The following MEA1 variants were observed in gnomAD, a reference collection of about 807,000 sequenced individuals.
The protein encoded by MEA1 is male-enhanced antigen 1, also known as Male-enhanced antigen (H-Y structural gene).
In MEA1, 22 loss-of-function variants were observed where a neutral mutation model predicts 21.4. The observed-to-expected ratio is 1.03, with a 90% CI of 0.73 to 1.47. The LOEUF (loss-of-function observed/expected upper bound fraction) is 1.47. Among genes scored for constraint, MEA1 ranks in the 40% most tolerant of loss-of-function variants. MEA1 has a pLI of 0.00. For synonymous variants in MEA1, 91 were observed against 85.5 expected, an observed-to-expected ratio of 1.06 and a Z score of -0.35; for missense variants, 233 against 230.5, an observed-to-expected ratio of 1.01 and a Z score of -0.07.
At position 43,013,362 on chromosome 6, in the gene MEA1, A is replaced by G. The variant is rs1342886597; in HGVS notation, c.56T>C (p.Leu19Pro). The G allele has an allele frequency of 6.2e-7, 1 of 1,613,906 alleles. No homozygotes were observed. Among genetic ancestry groups the G allele is most frequent in the Non-Finnish European group, 8.5e-7 (1 of 1,179,976 alleles). ...CTCAGGGCCCATGGTGTCTCCTCCT[A>G]GAACTACTGTTGCCATCCGGGCAGG... Reference protein sequence around the residue: ...GAPARMATVVLGGDTMGPERI... With the variant: ...GAPARMATVVPGGDTMGPERI... Residue 19 changes from leucine to proline, a missense_variant, in exon 2 of 4, where the codon CTA becomes CCA. Physicochemically the swap from Leu to Pro is moderately conservative, Grantham distance 98. Coordinates refer to ENST00000244711, the MANE Select transcript of MEA1 (RefSeq NM_014623.4).
chr6:43,011,283 C>G lies in MEA1; in HGVS notation c.*1187G>C. ...TCCTAACTGCCAGCCAGGAGGCTCTCTGACCCCTCACGTTCCTACCACAGG... is the reference window on the plus strand; with the variant it reads ...TCCTAACTGCCAGCCAGGAGGCTCTGTGACCCCTCACGTTCCTACCACAGG... On this transcript the variant is annotated 3_prime_UTR_variant, in exon 4 of 4. Transcript: ENST00000244711. 6.2e-7 allele frequency: 1 copy of G among 1,613,896 alleles called. No homozygotes were observed.
intron 1 of MEA1, 115 bp downstream of exon 1, chr6:43,013,671 C>G: frequency 8.6e-7 from 1 of 1,157,388 alleles, no homozygotes; most frequent in Non-Finnish European, 1.3e-6. Flanking sequence ...TCCAGAACCC[C>G]GGCTCCCCGC....
chr6:43,014,076 G>A (rs1762490022), upstream of MEA1: 1 of 1,417,664 alleles, frequency 7.1e-7, no homozygotes. Context: ...TGGCCTCCTC[G>A]GTCTCGACAC....
chr6:43,012,549 C>T lies in MEA1; in HGVS notation c.479G>A (p.Arg160Gln), dbSNP rs748130085. Residue 160 changes from arginine to glutamine, a missense_variant, in exon 4 of 4, where the codon CGG becomes CAG. Physicochemically the swap from Arg to Gln is conservative, Grantham distance 43. Coordinates refer to ENST00000244711, the MANE Select transcript of MEA1 (RefSeq NM_014623.4). The part of the protein sequence containing the change: ...LPAPGVPAWA[R>Q]EISDAQWEDV... ...TTCCCACTGGGCATCCGATATCTCC[C>T]GAGCCCAGGCAGGAACCCCTGGCGC... 12 of 1,612,784 alleles carry T rather than the reference C, an allele frequency of 7.4e-6. No individual in the cohort carries two copies. Among genetic ancestry groups the T allele is most frequent in the Admixed American group, 1.7e-5 (1 of 59,752 alleles).
chr6:43,014,026 G>A, upstream of MEA1: 1 of 1,419,750 alleles, frequency 7.0e-7, no homozygotes, highest in East Asian at 2.6e-5. Flanking sequence ...CCCCGCCTCC[G>A]TCATTCCCAG....
In MEA1 at chr6:43,011,158, G is replaced by T; in HGVS notation, c.*1312C>A. 6.2e-7 allele frequency: 1 copy of T among 1,614,136 alleles called. No homozygotes were observed. The highest frequency in any genetic ancestry group is 8.5e-7 in the Non-Finnish European group (1 of 1,180,020). ...CCCTATTCACACACAGATGCTAAAA[G>T]ACATCAAGAAGGAGAAAGTGCTGCT... On this transcript the variant is annotated 3_prime_UTR_variant, in exon 4 of 4. Transcript: ENST00000244711.
rs557305051 is a variant in MEA1, at chr6:43,012,090, T to C, written c.*380A>G. ...GAAGCAGGGAGCGGTGCCCCAAGCA[T>C]GGCTCCTGCCAACACCTATTTATTT... On this transcript the variant is annotated 3_prime_UTR_variant, in exon 4 of 4. Coordinates refer to ENST00000244711, the MANE Select transcript of MEA1 (RefSeq NM_014623.4). 8 of 567,786 alleles carry C rather than the reference T, an allele frequency of 1.4e-5. No homozygotes were observed. In the East Asian group the frequency reaches 6.7e-4, roughly 48 times the overall value. 35.2% of individuals were successfully genotyped at this position (567,786 alleles called of 1,614,324 possible).
At position 43,013,939 on chromosome 6, in the gene MEA1, G is replaced by A. The variant is rs954274882; in HGVS notation, c.-126C>T. On this transcript the variant is annotated 5_prime_UTR_variant, in exon 1 of 4. The change creates a new upstream start codon in the 5' untranslated region. Coordinates refer to ENST00000244711, the MANE Select transcript of MEA1 (RefSeq NM_014623.4). Reference sequence around the variant, plus strand: ...GCCTCCACTTCCGGCGGGGCAGGACGTGCAGAGGTGCCTAGTCCTCCAGCC... The same window carrying A: ...GCCTCCACTTCCGGCGGGGCAGGACATGCAGAGGTGCCTAGTCCTCCAGCC... The A allele has an allele frequency of 1.1e-5, 16 of 1,451,902 alleles. No homozygotes were observed. The highest frequency in any genetic ancestry group is 4.3e-5 in the African/African-American group (3 of 69,212). The allele number at this position is 1,451,902 out of a possible 1,614,324, so 89.9% of individuals were successfully genotyped here. A position where few individuals can be genotyped will look rare whatever the true frequency, so the allele number is the denominator to read the frequency against.
Position 43,013,162 on chromosome 6 carries a change from G to C in MEA1, c.256C>G (p.Pro86Ala), listed in dbSNP as rs985641164. ...GCAACTACATCTCCATCCCCCACTG[G>C]TGCCAGTTCCACCTCCTCTTGTTCA... ...DPEQEEVELA[P>A]VGDGDVVADI... The change falls in exon 2 of 4, where the codon CCA becomes GCA. Residue 86 changes from proline to alanine, a missense_variant. Coordinates refer to ENST00000244711, the MANE Select transcript of MEA1 (RefSeq NM_014623.4). 9.3e-6 allele frequency: 15 copies of C among 1,614,090 alleles called. No individual in the cohort carries two copies. Among genetic ancestry groups the C allele is most frequent in the Non-Finnish European group, 1.2e-5 (14 of 1,180,028 alleles).
upstream of MEA1, among the ~76,000 whole-genome samples, chr6:43,015,789 G>A (rs1217921601): frequency 6.9e-6 from 1 of 144,456 alleles, no homozygotes; most frequent in African/African-American, 2.6e-5. Context: ...GGGAGGCAGA[G>A]TTTGCAGTGA....
At position 43,011,591 on chromosome 6, in the gene MEA1, A is replaced by T; in HGVS notation, c.*879T>A. The T allele has an allele frequency of 2.2e-6, 1 of 458,806 alleles. No individual in the cohort carries two copies. The highest frequency in any genetic ancestry group is 4.1e-5 in the East Asian group (1 of 24,626). 28.4% of individuals were successfully genotyped at this position (458,806 alleles called of 1,614,324 possible). On this transcript the variant is annotated 3_prime_UTR_variant, in exon 4 of 4. Coordinates refer to ENST00000244711, the MANE Select transcript of MEA1 (RefSeq NM_014623.4). ...CACAGCTACCTGAGGCTGCTCTGAG[A>T]AGTACACACAGGAATACATACGCTC...
At chr6:43,014,196 T>C, upstream of MEA1, 1 of 1,358,556 alleles carries the variant, frequency 7.4e-7, no homozygotes, top group Non-Finnish European at 9.7e-7. Context: ...GGCACTTAGC[T>C]ACGACTGCAC....
In MEA1 at chr6:43,011,488, T is replaced by C. The variant is rs1442804123; in HGVS notation, c.*982A>G. Reference sequence around the variant, plus strand: ...CCCAAAAGGTGTTCATGCCTCCCTGTGGCTAGTACAGGCTGAGCACTAAGA... The same window carrying C: ...CCCAAAAGGTGTTCATGCCTCCCTGCGGCTAGTACAGGCTGAGCACTAAGA... On this transcript the variant is annotated 3_prime_UTR_variant, in exon 4 of 4. Coordinates refer to ENST00000244711, the MANE Select transcript of MEA1 (RefSeq NM_014623.4). 1.5e-6 allele frequency: 1 copy of C among 672,788 alleles called. No homozygotes were observed. 41.7% of individuals were successfully genotyped at this position (672,788 alleles called of 1,614,324 possible).
chr6:43,012,706 T>C, intron 3 of MEA1, 85 bp from the exon 4 acceptor site: 1 of 1,471,524 alleles, frequency 6.8e-7, no homozygotes, highest in Non-Finnish European at 9.1e-7. Context: ...CCAGAGCCCT[T>C]GGGCTGCTAG....
rs747480052 is a variant in MEA1, at chr6:43,011,245, C to T, written c.*1225G>A. 4.3e-6 allele frequency: 7 copies of T among 1,614,052 alleles called. No homozygotes were observed. Among genetic ancestry groups the T allele is most frequent in the South Asian group, 2.2e-5 (2 of 91,080 alleles). ...CATCAAGGCACTGGAGGCGCACAAG[C>T]GGGCGGAAGAGTTCCTAACTGCCAG... is the stretch of plus-strand genomic sequence containing the variant. On this transcript the variant is annotated 3_prime_UTR_variant, in exon 4 of 4. Transcript: ENST00000244711.
At position 43,013,874 on chromosome 6, in the gene MEA1, C is replaced by A; in HGVS notation, c.-61G>T. ...CCACCCGCCCCCATCCGAATCCCGG[C>A]GCCGGTGTTCCCGCGCGCCTCACCC... On this transcript the variant is annotated 5_prime_UTR_variant, in exon 1 of 4. Transcript: ENST00000244711. 1.3e-6 allele frequency: 2 copies of A among 1,517,094 alleles called. No homozygotes were observed. The highest frequency in any genetic ancestry group is 1.8e-6 in the Non-Finnish European group (2 of 1,134,344). 94.0% of individuals were successfully genotyped at this position (1,517,094 alleles called of 1,614,324 possible). A position where few individuals can be genotyped will look rare whatever the true frequency, so the allele number is the denominator to read the frequency against.
chr6:43,011,336 T>C lies in MEA1; in HGVS notation c.*1134A>G, dbSNP rs1762344619. On this transcript the variant is annotated 3_prime_UTR_variant, in exon 4 of 4. Coordinates refer to ENST00000244711, the MANE Select transcript of MEA1 (RefSeq NM_014623.4). ...CACAGCCCACACAGCCCTGGGACACTGCCCTGGCCCTCCATACTCTGCTCC... is the reference window on the plus strand; with the variant it reads ...CACAGCCCACACAGCCCTGGGACACCGCCCTGGCCCTCCATACTCTGCTCC... The C allele has an allele frequency of 6.2e-7, 1 of 1,609,214 alleles. No individual in the cohort carries two copies. Among genetic ancestry groups the C allele is most frequent in the Non-Finnish European group, 8.5e-7 (1 of 1,177,974 alleles).
Position 43,012,605 on chromosome 6 carries a change from C to T in MEA1, c.423G>A (p.Val141=). Residue 141 remains valine (V), a synonymous_variant, in exon 4 of 4, where the codon GTG becomes GTA. Transcript: ENST00000244711. ...IPMDPEHVEL[V]KRTMAGVSLP... Reference sequence around the variant, plus strand: ...GGCTTACTCCAGCCATTGTCCTTTTCACCAGCTCTACATGTTCTGAAATCA... The same window carrying T: ...GGCTTACTCCAGCCATTGTCCTTTTTACCAGCTCTACATGTTCTGAAATCA... 6.2e-7 allele frequency: 1 copy of T among 1,607,954 alleles called. No individual in the cohort carries two copies. Among genetic ancestry groups the T allele is most frequent in the Non-Finnish European group, 8.5e-7 (1 of 1,177,812 alleles).
intron 1 of MEA1, 158 bp downstream of exon 1, chr6:43,013,628 C>G: frequency 2.3e-6 from 2 of 874,724 alleles, no homozygotes; most frequent in Admixed American, 5.3e-5. Context: ...AACGCCCAAC[C>G]GGAGGCCCTG....
Sources: gnomAD v4.1 joint callset for allele counts (sites outside exome capture counted in the v4.1 genomes callset) on GRCh38, gnomAD v4.1.1 for gene constraint, MANE v1.5 for transcripts, NCBI Gene and HGNC (gene_info 2026-07-23, HGNC 2026-07-21) for gene names.